GTF2H1: variants seen among roughly 807,000 people sequenced by gnomAD.
GTF2H1 encodes the protein general transcription factor IIH subunit 1.
In GTF2H1, 16 loss-of-function variants were observed where a neutral mutation model predicts 71.2. The ratio of observed to expected loss-of-function variants is 0.22; its 90% confidence interval spans 0.15 to 0.34. The LOEUF is 0.34. Ranked by LOEUF, GTF2H1 falls within the 10% of genes least tolerant of loss-of-function variation. GTF2H1 has a pLI of 1.00. For missense variants in GTF2H1, 498 were observed against 648.2 expected, an observed-to-expected ratio of 0.77 and a Z score of 2.52; for synonymous variants, 215 against 219.0, an observed-to-expected ratio of 0.98 and a Z score of 0.16.
Position 18,335,944 on chromosome 11 carries a change from C to CA in GTF2H1, c.346dup (p.Arg116LysfsTer14). The CA allele has an allele frequency of 6.2e-7, 1 of 1,612,358 alleles. No individual in the cohort carries two copies. Among genetic ancestry groups the CA allele is most frequent in the Non-Finnish European group, 8.5e-7 (1 of 1,178,586 alleles). On this transcript the variant is annotated frameshift_variant and splice_region_variant, in exon 3 of 15. Transcript: ENST00000265963. LOFTEE classifies it high-confidence loss of function. ...CAAATAAAGAACTGGAAGAGAAGAA[C>CA]AGGTGGGAGGAAAAGAATAGCCTTT...
At chr11:18,345,840 A>C (rs1220705080) in intron 7 of GTF2H1, among the ~76,000 whole-genome samples, 1 of 135,380 alleles carries the variant, frequency 7.4e-6, no homozygotes, top group Non-Finnish European at 1.5e-5. Flanking sequence ...CCCAGGCTAG[A>C]GTGCAGTAGC....
intron 10 of GTF2H1, 47 bp downstream of exon 10, chr11:18,352,016 C>G (rs777583656): frequency 4.4e-6 from 4 of 915,190 alleles, no homozygotes; most frequent in Non-Finnish European, 7.3e-6. Flanking sequence ...ACAATTCAGT[C>G]CAAAATATAT....
chr11:18,352,300 T>C (rs1865445659), intron 10 of GTF2H1, 29 bp from the exon 11 acceptor site: 2 of 944,514 alleles, frequency 2.1e-6, no homozygotes, highest in Non-Finnish European at 3.5e-6. Context: ...CTGTGTGTGA[T>C]TAGTAATTTC....
chr11:18,348,527 A>G (rs1392661954), intron 9 of GTF2H1: 1 of 152,454 alleles, frequency 6.6e-6, no homozygotes, highest in Non-Finnish European at 1.5e-5. Context: ...TTACACCCTT[A>G]GTTCTACTTG....
intron 9 of GTF2H1, among the ~76,000 whole-genome samples, chr11:18,349,332 C>T (rs1246378349): frequency 6.6e-6 from 1 of 152,200 alleles, no homozygotes; most frequent in South Asian, 2.1e-4. Context: ...TTAAGTGATA[C>T]TTTCTTTGTA....
Position 18,365,780 on chromosome 11 carries a change from C to G in GTF2H1, c.1561-3C>G. On this transcript the variant is annotated splice_region_variant and splice_polypyrimidine_tract_variant and intron_variant, in intron 14 of 14. Transcript: ENST00000265963. Reference sequence around the variant, plus strand: ...TTGTTAAGTGTCTTGCTGTGTTTTTCAGTTGGTAAGTCACATAGAAGAGAT... The same window carrying G: ...TTGTTAAGTGTCTTGCTGTGTTTTTGAGTTGGTAAGTCACATAGAAGAGAT... 6.2e-7 allele frequency: 1 copy of G among 1,607,528 alleles called. No homozygotes were observed. The highest frequency in any genetic ancestry group is 8.5e-7 in the Non-Finnish European group (1 of 1,174,100).
At chr11:18,352,243 A>T (rs1342139788) in intron 10 of GTF2H1, 86 bp from the exon 11 acceptor site, 8 of 703,028 alleles carry the variant, frequency 1.1e-5, no homozygotes, top group Non-Finnish European at 2.0e-5. Context: ...AGGGGAACTT[A>T]GTACTGACTG....
chr11:18,354,187 T>G (rs1451008953), intron 11 of GTF2H1, among the ~76,000 whole-genome samples: 1 of 152,206 alleles, frequency 6.6e-6, no homozygotes, highest in Non-Finnish European at 1.5e-5. Context: ...TTAGGCATTT[T>G]TGCCAGAAAC....
chr11:18,346,343 G>A (rs1221563451), intron 7 of GTF2H1, among the ~76,000 whole-genome samples: 1 of 152,142 alleles, frequency 6.6e-6, no homozygotes, highest in African/African-American at 2.4e-5. Flanking sequence ...CTTTGCCTTT[G>A]TTTAAGCAGT....
chr11:18,354,477 G>A (rs572126241), intron 11 of GTF2H1, among the ~76,000 whole-genome samples: 1 of 152,210 alleles, frequency 6.6e-6, no homozygotes, highest in East Asian at 1.9e-4. Context: ...TGATGCCCAG[G>A]CTGTAGTGCA....
At chr11:18,329,751 C>A (rs1296035188) in intron 1 of GTF2H1, among the ~76,000 whole-genome samples, 1 of 152,186 alleles carries the variant, frequency 6.6e-6, no homozygotes, top group African/African-American at 2.4e-5. Flanking sequence ...ACACCTGTTT[C>A]CCTTTACTTT....
intron 1 of GTF2H1, among the ~76,000 whole-genome samples, chr11:18,323,353 G>GT (rs4150538): frequency 0.013 from 2,014 of 152,058 alleles, 22 homozygotes; most frequent in Non-Finnish European, 0.017. Context: ...CTGGAATGCA[G>GT]TGGCGTGATA....
intron 11 of GTF2H1, among the ~76,000 whole-genome samples, chr11:18,354,153 T>C (rs1291960587): frequency 6.6e-6 from 1 of 152,252 alleles, no homozygotes; most frequent in Non-Finnish European, 1.5e-5. Flanking sequence ...ATTTACCTAA[T>C]GTTTCCTCAT....
chr11:18,346,518 G>T (rs988274438), intron 7 of GTF2H1, among the ~76,000 whole-genome samples: 2 of 151,870 alleles, frequency 1.3e-5, no homozygotes, highest in African/African-American at 4.8e-5. Context: ...TATGGCATGG[G>T]GTCTTAATCA....
chr11:18,342,789 T>C (rs928507091), intron 7 of GTF2H1, among the ~76,000 whole-genome samples: 6 of 152,240 alleles, frequency 3.9e-5, no homozygotes, highest in African/African-American at 1.2e-4. Context: ...TTTGTAACTT[T>C]ATCTTCTGTT....
At chr11:18,323,326 T>C (rs778250829) in intron 1 of GTF2H1, among the ~76,000 whole-genome samples, 13 of 152,104 alleles carry the variant, frequency 8.5e-5, no homozygotes, top group Non-Finnish European at 1.6e-4. Context: ...AGACAGAGTC[T>C]TGTTCTGTCG....
intron 1 of GTF2H1, among the ~76,000 whole-genome samples, chr11:18,329,828 A>G (rs889941962): frequency 2.0e-5 from 3 of 152,258 alleles, no homozygotes; most frequent in Non-Finnish European, 4.4e-5. Context: ...GAATGAACTG[A>G]TACATATACA....
At chr11:18,330,786 A>G (rs1180018612) in intron 1 of GTF2H1, among the ~76,000 whole-genome samples, 1 of 152,192 alleles carries the variant, frequency 6.6e-6, no homozygotes, top group East Asian at 1.9e-4. Flanking sequence ...GAAAGCAGAA[A>G]TCAACAGACG....
chr11:18,358,050 C>T lies in GTF2H1; in HGVS notation c.1351+8C>T, dbSNP rs1367087524. The T allele has an allele frequency of 2.5e-6, 4 of 1,595,414 alleles. No individual in the cohort carries two copies. Among genetic ancestry groups the T allele is most frequent in the Non-Finnish European group, 3.4e-6 (4 of 1,163,560 alleles). On this transcript the variant is annotated splice_region_variant and intron_variant, in intron 12 of 14. Transcript: ENST00000265963. The stretch of plus-strand genomic sequence containing the variant: ...CACAGCAAGCCATAAACCGTATGTG[C>T]CGGGCCATCTTCTACTACTTTCTGC...
Sources: gnomAD v4.1 joint callset for allele counts (sites outside exome capture counted in the v4.1 genomes callset) on GRCh38, gnomAD v4.1.1 for gene constraint, MANE v1.5 for transcripts, NCBI Gene and HGNC (gene_info 2026-07-23, HGNC 2026-07-21) for gene names.